Variants in AKAP7 observed in about 807,000 individuals in gnomAD.
The protein encoded by AKAP7 is A-kinase anchoring protein 7, also known as A kinase (PRKA) anchor protein 7.
Under a neutral mutation model 39.5 loss-of-function variants are expected in AKAP7, and 39 were observed. The ratio of observed to expected loss-of-function variants is 0.99; its 90% CI spans 0.76 to 1.29. The LOEUF is 1.29. Ranked by LOEUF, AKAP7 falls within the 50% of genes most tolerant of loss-of-function variation. The pLI, the probability that AKAP7 is intolerant of heterozygous loss-of-function variation, is 0.00. For missense variants in AKAP7, 414 were observed against 407.7 expected (o/e 1.02, Z -0.13); for synonymous variants, 140 against 139.1 (o/e 1.01, Z -0.05).
chr6:131,150,247 A>C (rs1801806754), intron 2 of AKAP7, among the ~76,000 whole-genome samples: 2 of 152,150 alleles, frequency 1.3e-5, no homozygotes, highest in South Asian at 4.2e-4. Flanking sequence ...ACAGAATTCT[A>C]CTCTGTAATA....
intron 5 of AKAP7, among the ~76,000 whole-genome samples, chr6:131,190,659 GA>G (rs952316439): frequency 3.3e-5 from 5 of 150,002 alleles, no homozygotes; most frequent in African/African-American, 1.2e-4. Flanking sequence ...AAAAAAAAAG[GA>G]AAAAAAGAGA....
chr6:131,170,299 TAA>T (rs746782065), intron 5 of AKAP7, among the ~76,000 whole-genome samples: 1 of 98,884 alleles, frequency 1.0e-5, no homozygotes, highest in Non-Finnish European at 2.0e-5. Flanking sequence ...AAGTATAATT[TAA>T]AAAAAAAAGA....
At chr6:131,232,509 C>T (rs1309970351) in intron 7 of AKAP7, among the ~76,000 whole-genome samples, 7 of 152,122 alleles carry the variant, frequency 4.6e-5, no homozygotes, top group Non-Finnish European at 8.8e-5. Flanking sequence ...AAGTGCTTAC[C>T]ACAGTGCTTG....
chr6:131,237,636 G>A (rs1034086369), intron 7 of AKAP7, among the ~76,000 whole-genome samples: 1 of 152,000 alleles, frequency 6.6e-6, no homozygotes, highest in Non-Finnish European at 1.5e-5. Flanking sequence ...TAGTCTTGGG[G>A]GGTGTATGTG....
At chr6:131,229,311 C>G (rs905058552) in intron 7 of AKAP7, among the ~76,000 whole-genome samples, 3 of 152,044 alleles carry the variant, frequency 2.0e-5, no homozygotes, top group African/African-American at 7.3e-5. Context: ...ACAGAGCACA[C>G]AGTAGGATAA....
rs1276528370 is a variant in AKAP7 at position 131,282,057 on chromosome 6, A to G, written c.*331A>G. ...GAGAAAGAGGCCTTGCCATCAATGG[A>G]ATACTGCCATTTATATTGCTTAGCA... is the stretch of plus-strand genomic sequence containing the variant. On this transcript the variant is annotated 3_prime_UTR_variant, in exon 8 of 8. Transcript: ENST00000431975. 1 of 1,138,860 alleles carries G rather than the reference A, an allele frequency of 8.8e-7. No homozygotes were observed. The highest frequency in any genetic ancestry group is 1.1e-6 in the Non-Finnish European group (1 of 930,174). The allele number at this position is 1,138,860 out of a possible 1,614,324, so 70.5% of individuals were successfully genotyped here.
At chr6:131,185,274 G>T in intron 5 of AKAP7, 1 of 469,558 alleles carries the variant, frequency 2.1e-6, no homozygotes, top group South Asian at 1.9e-5. Context: ...GGCAGGGTAC[G>T]AGTAGTTGTC....
At chr6:131,179,931 A>G (rs1371404384) in intron 5 of AKAP7, among the ~76,000 whole-genome samples, 1 of 152,214 alleles carries the variant, frequency 6.6e-6, no homozygotes, top group Non-Finnish European at 1.5e-5. Context: ...ATAAGTATTC[A>G]TCAAAAGAAT....
At chr6:131,255,832 A>G (rs1030284956) in intron 7 of AKAP7, among the ~76,000 whole-genome samples, 1 of 152,220 alleles carries the variant, frequency 6.6e-6, no homozygotes, top group Non-Finnish European at 1.5e-5. Context: ...AATGAGTGAT[A>G]TAGATGTGAT....
At chr6:131,246,267 T>A (rs1462403888) in intron 7 of AKAP7, among the ~76,000 whole-genome samples, 1 of 152,084 alleles carries the variant, frequency 6.6e-6, no homozygotes, top group Non-Finnish European at 1.5e-5. Flanking sequence ...CCTCATACTT[T>A]TTAGTTTTAT....
chr6:131,274,274 T>C (rs1814559884), intron 7 of AKAP7, among the ~76,000 whole-genome samples: 1 of 152,192 alleles, frequency 6.6e-6, no homozygotes, highest in Non-Finnish European at 1.5e-5. Flanking sequence ...TTCTTTGAGT[T>C]TCTCGATTTG....
At chr6:131,241,610 T>TATAC (rs56747262) in intron 7 of AKAP7, among the ~76,000 whole-genome samples, 13 of 137,598 alleles carry the variant, frequency 9.4e-5, no homozygotes, top group African/African-American at 3.9e-4. Flanking sequence ...TGTGTGTGTG[T>TATAC]GTGTGTGTGT....
In AKAP7 at chr6:131,234,930, C is replaced by T. The variant is rs1028287039; in HGVS notation, c.850+15122C>T. Among the ~76,000 whole-genome samples, 6 of 150,956 alleles carry T rather than the reference C, an allele frequency of 4.0e-5. No homozygotes were observed. In the East Asian group the frequency reaches 1.2e-3, roughly 29 times the overall value. ...TATTTCTTTTTTTTATTATACTTTA[C>T]GTTTTAGGGTACATGTGCACAACGT... On this transcript the variant is annotated intron_variant, in intron 7 of 7. Transcript: ENST00000431975.
intron 5 of AKAP7, among the ~76,000 whole-genome samples, chr6:131,190,207 C>T (rs979157225): frequency 6.6e-6 from 1 of 152,042 alleles, no homozygotes; most frequent in Non-Finnish European, 1.5e-5. Context: ...ATTGAAAAAG[C>T]ACATTAATAA....
upstream of AKAP7, among the ~76,000 whole-genome samples, chr6:131,131,483 T>G (rs1410463439): frequency 6.6e-5 from 8 of 121,020 alleles, no homozygotes; most frequent in African/African-American, 8.6e-5. Flanking sequence ...TTTTTTTTTT[T>G]TGAAATTTAT....
At chr6:131,180,843 T>C (rs1394323475) in intron 5 of AKAP7, among the ~76,000 whole-genome samples, 2 of 147,466 alleles carry the variant, frequency 1.4e-5, no homozygotes, top group African/African-American at 5.0e-5. Flanking sequence ...TGTTTTTTTT[T>C]TTTTTAATAC....
intron 2 of AKAP7, among the ~76,000 whole-genome samples, chr6:131,156,949 G>A (rs1488718174): frequency 1.3e-5 from 2 of 151,814 alleles, no homozygotes; most frequent in African/African-American, 4.8e-5. Context: ...TAATTTTTTT[G>A]TATTTTTAGT....
chr6:131,216,892 G>A (rs1457678274), intron 6 of AKAP7, among the ~76,000 whole-genome samples: 1 of 152,140 alleles, frequency 6.6e-6, no homozygotes, highest in Non-Finnish European at 1.5e-5. Context: ...CTCCAGGGTT[G>A]CAACACCCAT....
At chr6:131,243,823 T>C (rs1203051832) in intron 7 of AKAP7, among the ~76,000 whole-genome samples, 2 of 151,834 alleles carry the variant, frequency 1.3e-5, no homozygotes, top group African/African-American at 4.8e-5. Context: ...AGTAAAATCT[T>C]CTCATTGGGC....
Sources: gnomAD v4.1 joint callset for allele counts (sites outside exome capture counted in the v4.1 genomes callset) on GRCh38, gnomAD v4.1.1 for gene constraint, MANE v1.5 for transcripts, NCBI Gene and HGNC (gene_info 2026-07-23, HGNC 2026-07-21) for gene names.